The following CCBE1 variants were observed in gnomAD, a reference collection of about 807,000 sequenced individuals.
CCBE1 encodes the protein collagen and calcium-binding EGF domain-containing protein 1.
A neutral mutation model predicts 50.0 loss-of-function variants in CCBE1; 37 were observed. The observed-to-expected ratio is 0.74, with a 90% confidence interval of 0.57 to 0.97. The LOEUF is 0.97. Ranked by LOEUF, CCBE1 falls within the 50% of genes least tolerant of loss-of-function variation. The probability of loss-of-function intolerance (pLI) is 0.00; values close to 1 mark genes in which losing one functional copy is unlikely to be tolerated. For missense variants in CCBE1, 538 were observed against 523.8 expected, an observed-to-expected ratio of 1.03 and a Z score of -0.26; for synonymous variants, 234 against 203.7, an observed-to-expected ratio of 1.15 and a Z score of -1.27.
chr18:59,528,841 G>A (rs1484923239), intron 2 of CCBE1, among the ~76,000 whole-genome samples: 1 of 152,154 alleles, frequency 6.6e-6, no homozygotes, highest in Non-Finnish European at 1.5e-5. Context: ...CCTTCCTCTG[G>A]GAGCTCCATC....
intron 2 of CCBE1, among the ~76,000 whole-genome samples, chr18:59,669,081 C>G (rs1226912834): frequency 6.6e-6 from 1 of 151,984 alleles, no homozygotes; most frequent in Non-Finnish European, 1.5e-5. Context: ...AGTGATCCAC[C>G]CACCTCGGCC....
intron 2 of CCBE1, among the ~76,000 whole-genome samples, chr18:59,600,980 A>G (rs921750458): frequency 1.5e-5 from 2 of 129,210 alleles, no homozygotes; most frequent in African/African-American, 5.6e-5. Flanking sequence ...TGTACTATGG[A>G]TAGGGATCTA....
At chr18:59,581,301 T>C (rs1185382707) in intron 2 of CCBE1, among the ~76,000 whole-genome samples, 2 of 151,496 alleles carry the variant, frequency 1.3e-5, no homozygotes, top group Non-Finnish European at 2.9e-5. Flanking sequence ...ATTAGCTGGG[T>C]GTGGTGGTGC....
intron 2 of CCBE1, among the ~76,000 whole-genome samples, chr18:59,528,327 G>C (rs1340755122): frequency 6.6e-6 from 1 of 151,540 alleles, no homozygotes; most frequent in Non-Finnish European, 1.5e-5. Flanking sequence ...GATCATTTAT[G>C]TTCCCACTAA....
rs189454473 is a variant in CCBE1, at chr18:59,653,860, G to A, written c.212+42769C>T. ...GAGTAGGAAATCGTATCAGAGATAG[G>A]TTATTTGATGACTGCATATAAAATT... On this transcript the variant is annotated intron_variant, in intron 2 of 10. Transcript: ENST00000439986. 4.6e-5 allele frequency among the ~76,000 whole-genome samples: 7 copies of A among 152,262 alleles called. No individual in the cohort carries two copies. The East Asian group carries it at 1.3e-3, about 29-fold the overall frequency.
chr18:59,681,446 TAGC>T (rs1050129522), intron 2 of CCBE1, among the ~76,000 whole-genome samples: 210 of 152,334 alleles, frequency 1.4e-3, no homozygotes, highest in African/African-American at 4.9e-3. Context: ...CCCACTTTAT[TAGC>T]AGGAGTCTGC....
At chr18:59,440,433 C>T (rs1013241879) in intron 7 of CCBE1, among the ~76,000 whole-genome samples, 1 of 152,170 alleles carries the variant, frequency 6.6e-6, no homozygotes, top group Non-Finnish European at 1.5e-5. Context: ...ATCTGCTAGG[C>T]CTTCCTTATA....
At chr18:59,445,359 T>G (rs1910622999) in intron 7 of CCBE1, among the ~76,000 whole-genome samples, 1 of 152,198 alleles carries the variant, frequency 6.6e-6, no homozygotes, top group Non-Finnish European at 1.5e-5. Context: ...GGATACATAG[T>G]GGGCTGCTTA....
intron 2 of CCBE1, among the ~76,000 whole-genome samples, chr18:59,638,046 G>C (rs966775749): frequency 6.6e-6 from 1 of 152,128 alleles, no homozygotes; most frequent in Admixed American, 6.5e-5. Context: ...AATTACAGGA[G>C]AATTTTAGGA....
chr18:59,454,915 G>T lies in CCBE1; in HGVS notation c.590C>A (p.Thr197Asn), dbSNP rs772022652. The stretch of plus-strand genomic sequence containing the variant: ...GAACTCCTTGCATGTGGCACAGCAA[G>T]TTCCGGCTTTCACCATGTTCTCAGA... ...EKSENMVKAG[T>N]CCATCKEFYQ... is the part of the protein sequence containing the mutation. The change falls in exon 6 of 11, where the codon ACT becomes AAT. Residue 197 changes from threonine (T) to asparagine (N), a missense_variant. By Grantham distance (65) the Thr-to-Asn change is moderately conservative. Coordinates refer to ENST00000439986, the MANE Select transcript of CCBE1 (RefSeq NM_133459.4). The T allele has an allele frequency of 6.2e-7, 1 of 1,614,194 alleles. No individual in the cohort carries two copies. Among genetic ancestry groups the T allele is most frequent in the South Asian group, 1.1e-5 (1 of 91,084 alleles).
chr18:59,481,186 T>C (rs928563267), intron 2 of CCBE1, among the ~76,000 whole-genome samples: 14 of 152,080 alleles, frequency 9.2e-5, no homozygotes, highest in African/African-American at 2.9e-4. Context: ...AGATCTGAAA[T>C]TTTTAAACAT....
intron 2 of CCBE1, among the ~76,000 whole-genome samples, chr18:59,571,262 T>C (rs1003603107): frequency 1.3e-5 from 2 of 152,204 alleles, no homozygotes; most frequent in Admixed American, 6.5e-5. Context: ...TTAAAAAAAT[T>C]AGATCTTAAG....
chr18:59,499,025 T>C (rs933152174), intron 2 of CCBE1, among the ~76,000 whole-genome samples: 2 of 152,204 alleles, frequency 1.3e-5, no homozygotes. Context: ...TTAAACGATA[T>C]ATGTAACCTT....
chr18:59,513,953 A>C (rs867231568), intron 2 of CCBE1, among the ~76,000 whole-genome samples: 8 of 152,150 alleles, frequency 5.3e-5, no homozygotes, highest in Middle Eastern at 3.2e-3. Context: ...GGGGACTTGC[A>C]CAGCTCTGCT....
chr18:59,631,659 G>T (rs982521620), intron 2 of CCBE1, among the ~76,000 whole-genome samples: 2 of 152,172 alleles, frequency 1.3e-5, no homozygotes, highest in African/African-American at 4.8e-5. Context: ...TCACTTTGCT[G>T]CAACTCACTC....
intron 5 of CCBE1, among the ~76,000 whole-genome samples, chr18:59,461,592 C>T (rs1454311765): frequency 6.6e-6 from 1 of 152,064 alleles, no homozygotes. Context: ...ACTGAAAATA[C>T]TGTAGAAGGG....
chr18:59,618,293 A>G (rs559084278), intron 2 of CCBE1, among the ~76,000 whole-genome samples: 16 of 152,298 alleles, frequency 1.1e-4, no homozygotes, highest in African/African-American at 3.9e-4. Context: ...ATTGAAAAAA[A>G]TATTTAATAA....
intron 2 of CCBE1, among the ~76,000 whole-genome samples, chr18:59,506,560 G>A (rs1913883146): frequency 6.6e-6 from 1 of 152,222 alleles, no homozygotes; most frequent in Non-Finnish European, 1.5e-5. Context: ...TCGGTCAAAG[G>A]ATAGAGCCCA....
chr18:59,689,410 G>A (rs541369237), intron 2 of CCBE1, among the ~76,000 whole-genome samples: 1 of 152,276 alleles, frequency 6.6e-6, no homozygotes, highest in Admixed American at 6.5e-5. Context: ...CAACCAATAA[G>A]GTGGCAACAT....
Sources: allele counts gnomAD v4.1 joint callset (sites outside exome capture counted in the v4.1 genomes callset), GRCh38; gene constraint gnomAD v4.1.1; transcripts MANE v1.5; gene names NCBI Gene and HGNC (gene_info 2026-07-23, HGNC 2026-07-21).